The following TCF20 variants were observed in gnomAD, a reference collection of about 807,000 sequenced individuals.
TCF20 encodes transcription factor 20, also known as SPRE-binding protein.
In TCF20, 3 loss-of-function variants were observed where a neutral mutation model predicts 148.6. That is an observed-to-expected ratio of 0.02 (90% confidence interval 0.01 to 0.05). The LOEUF (loss-of-function observed/expected upper bound fraction) is 0.05. Ranked by LOEUF, TCF20 falls within the 10% of genes least tolerant of loss-of-function variation. The pLI is 1.00. For missense variants in TCF20, 2,350 were observed against 2,429.3 expected (o/e 0.97, Z 0.69); for synonymous variants, 1,049 against 909.5 (o/e 1.15, Z -2.76).
At position 42,317,149 on chromosome 22, in the gene TCF20, G is replaced by A. The variant is rs1176866906; in HGVS notation, c.-37+26330C>T. Among the ~76,000 whole-genome samples, 1 of 152,080 alleles carries A rather than the reference G, an allele frequency of 6.6e-6. No homozygotes were observed. The highest frequency in any genetic ancestry group is 1.5e-5 in the Non-Finnish European group (1 of 68,024). ...CTGAGCGCTCTGTGTGCTTGGCCAC[G>A]TCTGACTCACCCCACCTTCCCCGCC... On this transcript the variant is annotated intron_variant, in intron 1 of 1. Coordinates refer to the TCF20 transcript ENST00000515426. This position sits in a 1 kb window ranked among gnomAD's most constrained non-coding sequence, Gnocchi z 4.2.
chr22:42,167,420 C>T (rs766463558), intron 5 of TCF20, among the ~76,000 whole-genome samples: 1 of 152,234 alleles, frequency 6.6e-6, no homozygotes, highest in Non-Finnish European at 1.5e-5. Flanking sequence ...GAGGTCGACA[C>T]AGAAGTCCTC....
intron 2 of TCF20, among the ~76,000 whole-genome samples, chr22:42,197,971 C>CA (rs1274879197): frequency 6.6e-6 from 1 of 152,142 alleles, no homozygotes; most frequent in African/African-American, 2.4e-5. Flanking sequence ...CAATGCCTAT[C>CA]AAAAACCATA....
At position 42,338,628 on chromosome 22, in the gene TCF20, G is replaced by A. The variant is rs934396968; in HGVS notation, c.-37+4851C>T. The stretch of plus-strand genomic sequence containing the variant: ...ACGCGTTAGTGATTCCTGCCTGCTC[G>A]GGAAAGGCGGAGGCAGACAGCCATG... On this transcript the variant is annotated intron_variant, in intron 1 of 1. Coordinates refer to the TCF20 transcript ENST00000515426. This position sits in a 1 kb window ranked among gnomAD's most constrained non-coding sequence, Gnocchi z 4.0. Among the ~76,000 whole-genome samples the A allele has an allele frequency of 5.9e-5, 9 of 152,240 alleles. No homozygotes were observed. Among genetic ancestry groups the A allele is most frequent in the Non-Finnish European group, 8.8e-5 (6 of 68,044 alleles).
chr22:42,264,404 G>T (rs918968674), intron 1 of TCF20, among the ~76,000 whole-genome samples: 4 of 152,102 alleles, frequency 2.6e-5, no homozygotes, highest in Admixed American at 2.0e-4. Flanking sequence ...AAAAAAAGCA[G>T]ACAACACTCC....
chr22:42,236,904 T>G (rs1345954099), intron 1 of TCF20, among the ~76,000 whole-genome samples: 1 of 152,210 alleles, frequency 6.6e-6, no homozygotes, highest in Non-Finnish European at 1.5e-5. Context: ...AAAAAATACT[T>G]TATCGTTAAA....
rs1921249737 is a variant in TCF20, at chr22:42,213,379, C to T, written c.1927G>A (p.Gly643Arg). The T allele has an allele frequency of 1.9e-6, 3 of 1,614,070 alleles. No individual in the cohort carries two copies. In the Admixed American group the frequency reaches 5.0e-5, roughly 27 times the overall value. Residue 643 changes from glycine (G) to arginine (R), a missense_variant, in exon 2 of 6, where the codon GGG (glycine) becomes AGG (arginine). Coordinates refer to ENST00000677622, the MANE Select transcript of TCF20 (RefSeq NM_001378418.1). ...AATQRPPSNG[G>R]AKETSHASLP... ...GATGCATGACTGGTTTCCTTTGCCC[C>T]ACCATTGCTAGGTGGCCTTTGAGTG...
upstream of TCF20, among the ~76,000 whole-genome samples, chr22:42,273,535 C>T (rs1416765468): frequency 6.6e-6 from 1 of 152,000 alleles, no homozygotes; most frequent in Non-Finnish European, 1.5e-5. Context: ...GCGCCCCTTC[C>T]TCTGAAATCA....
intron 2 of TCF20, among the ~76,000 whole-genome samples, chr22:42,184,442 T>A (rs1936948228): frequency 6.6e-6 from 1 of 152,132 alleles, no homozygotes. Context: ...ATGTGTAAGG[T>A]TTTCCCTTCT....
intron 1 of TCF20, among the ~76,000 whole-genome samples, chr22:42,296,559 G>T (rs949913442): frequency 6.6e-6 from 1 of 152,208 alleles, no homozygotes; most frequent in Non-Finnish European, 1.5e-5. Context: ...CGGCCCCCTG[G>T]CATTGGGCCC....
intron 2 of TCF20, among the ~76,000 whole-genome samples, chr22:42,186,943 A>G (rs972673550): frequency 9.2e-5 from 14 of 152,252 alleles, no homozygotes; most frequent in Admixed American, 9.2e-4. Context: ...GAGCACAACT[A>G]GAATGAGAAA....
intron 2 of TCF20, among the ~76,000 whole-genome samples, chr22:42,206,012 G>A (rs560573092): frequency 1.1e-3 from 175 of 152,228 alleles, no homozygotes; most frequent in African/African-American, 1.3e-3. Flanking sequence ...GACCTCAGGC[G>A]ATCTGCCCAC....
chr22:42,309,022 C>A (rs1479047266), intron 1 of TCF20, among the ~76,000 whole-genome samples: 2 of 152,064 alleles, frequency 1.3e-5, no homozygotes, highest in African/African-American at 4.8e-5. Context: ...CCGGTGCCTG[C>A]CGCCTGGTGC....
At chr22:42,188,871 A>G (rs1937186291) in intron 2 of TCF20, among the ~76,000 whole-genome samples, 1 of 152,212 alleles carries the variant, frequency 6.6e-6, no homozygotes, top group South Asian at 2.1e-4. Context: ...ATCTGGGGGT[A>G]AAGCAAAATT....
rs1409732316 is a variant in TCF20 at position 42,211,611 on chromosome 22, G to T, written c.3695C>A (p.Pro1232His). ...GLAEATQSSK[P>H]GSVMLRLPGQ... ...TGGAAGTCTCAGCATAACACTACCA[G>T]GTTTGGATGACTGTGTAGCCTCAGC... The change falls in exon 2 of 6, where the codon CCT becomes CAT. Residue 1232 changes from proline to histidine, a missense_variant. By Grantham distance (77) the Pro-to-His change is moderately conservative. Coordinates refer to ENST00000677622, the MANE Select transcript of TCF20 (RefSeq NM_001378418.1). 11 of 1,614,210 alleles carry T rather than the reference G, an allele frequency of 6.8e-6. No individual in the cohort carries two copies. The highest frequency in any genetic ancestry group is 8.5e-6 in the Non-Finnish European group (10 of 1,180,034).
chr22:42,318,453 G>A (rs368739401), intron 1 of TCF20, among the ~76,000 whole-genome samples: 22 of 152,338 alleles, frequency 1.4e-4, no homozygotes, highest in East Asian at 9.6e-4. Context: ...GGAGTGCGGC[G>A]CAGCGGAACG....
At position 42,210,553 on chromosome 22, in the gene TCF20, C is replaced by G. The variant is rs1920936574; in HGVS notation, c.4753G>C (p.Glu1585Gln). The change falls in exon 2 of 6, where the codon GAG becomes CAG. Residue 1585 changes from glutamate (E) to glutamine (Q), a missense_variant. Transcript: ENST00000677622. The surrounding 1 kb of genome is among the most constrained non-coding windows in gnomAD (Gnocchi z 4.7). ...PKPKKQRQRR[E>Q]RRKPGAQPRK... ...GGCTGGGCCCCAGGCTTCCTTCTCTCCCTCCTTTGCCTCTGTTTTTTTGGC... is the reference window on the plus strand; with the variant it reads ...GGCTGGGCCCCAGGCTTCCTTCTCTGCCTCCTTTGCCTCTGTTTTTTTGGC... 1 of 1,614,070 alleles carries G rather than the reference C, an allele frequency of 6.2e-7. No homozygotes were observed. Among genetic ancestry groups the G allele is most frequent in the Non-Finnish European group, 8.5e-7 (1 of 1,180,046 alleles).
chr22:42,251,520 T>TG (rs1555947167), intron 1 of TCF20, among the ~76,000 whole-genome samples: 10,794 of 115,662 alleles, frequency 0.093, 1,479 homozygotes, highest in Non-Finnish European at 0.12. Flanking sequence ...TTTTTTTTTT[T>TG]GAGACAGAAT....
In TCF20 at chr22:42,212,802, T is replaced by C. The variant is rs755236127; in HGVS notation, c.2504A>G (p.Asn835Ser). 2.5e-6 allele frequency: 4 copies of C among 1,614,140 alleles called. No individual in the cohort carries two copies. The highest frequency in any genetic ancestry group is 3.4e-6 in the Non-Finnish European group (4 of 1,180,040). ...SSTAPEMKQI[N>S]LTDYPIPRKF... The stretch of plus-strand genomic sequence containing the variant: ...TCTGGGAATTGGATAGTCAGTCAAA[T>C]TGATCTGTTTCATTTCAGGAGCTGT... Residue 835 changes from asparagine to serine, a missense_variant, in exon 2 of 6, where the codon AAT (asparagine) becomes AGT (serine). Physicochemically the swap from Asn to Ser is conservative, Grantham distance 46. Coordinates refer to ENST00000677622, the MANE Select transcript of TCF20 (RefSeq NM_001378418.1).
At chr22:42,264,266 C>T (rs983500389) in intron 1 of TCF20, among the ~76,000 whole-genome samples, 13 of 1,174 alleles carry the variant, frequency 0.011, no homozygotes, top group Non-Finnish European at 0.014. Flanking sequence ...TAAAGTGGGG[C>T]GGGGGCGGGG....
Sources: gnomAD v4.1 joint callset for allele counts (sites outside exome capture counted in the v4.1 genomes callset) on GRCh38, gnomAD v4.1.1 for gene constraint, Gnocchi (gnomAD v3.1) non-coding constraint, MANE v1.5 for transcripts, NCBI Gene and HGNC (gene_info 2026-07-23, HGNC 2026-07-21) for gene names.